Variants in GNA15 observed in about 807,000 individuals in gnomAD.
GNA15 encodes guanine nucleotide-binding protein subunit alpha-15.
In GNA15, 23 loss-of-function variants were observed where a neutral mutation model predicts 40.1. That is an observed-to-expected ratio of 0.57 (90% CI 0.41 to 0.81). The LOEUF (loss-of-function observed/expected upper bound fraction) is 0.81. GNA15 is among the 40% of genes least tolerant of loss of function. GNA15 has a pLI of 0.00. For missense variants in GNA15, 522 were observed against 515.8 expected (o/e 1.01, Z -0.12); for synonymous variants, 226 against 210.4 (o/e 1.07, Z -0.64).
At chr19:3,157,076 C>T (rs1359840388) in intron 5 of GNA15, among the ~76,000 whole-genome samples, 1 of 151,434 alleles carries the variant, frequency 6.6e-6, no homozygotes, top group Non-Finnish European at 1.5e-5. Flanking sequence ...CAGCTCACTG[C>T]AACCTCCGCC....
chr19:3,148,556 T>C, intron 1 of GNA15, 35 bp from the exon 2 acceptor site: 1 of 1,520,184 alleles, frequency 6.6e-7, no homozygotes. Context: ...GGGAGTCCCG[T>C]GGAGGGCTGA....
chr19:3,150,376 G>A, intron 3 of GNA15, 91 bp downstream of exon 3: 1 of 1,101,558 alleles, frequency 9.1e-7, no homozygotes, highest in South Asian at 1.5e-5. Context: ...GAGATATTGT[G>A]GGCGCAGATG....
chr19:3,145,361 T>TATA (rs57906685), intron 1 of GNA15, among the ~76,000 whole-genome samples: 3 of 28,204 alleles, frequency 1.1e-4, no homozygotes, highest in East Asian at 1.8e-3. Context: ...ATATATATAT[T>TATA]TTTTTTTTTT....
At chr19:3,140,572 AT>A (rs1914555966) in intron 1 of GNA15, among the ~76,000 whole-genome samples, 1 of 151,444 alleles carries the variant, frequency 6.6e-6, no homozygotes, top group Admixed American at 6.6e-5. Flanking sequence ...ACTCTGTTTG[AT>A]TTTTCTTCCT....
chr19:3,145,359 A>ATATATACTT, intron 1 of GNA15, among the ~76,000 whole-genome samples: 1 of 46,972 alleles, frequency 2.1e-5, no homozygotes, highest in African/African-American at 9.2e-5. Flanking sequence ...ATATATATAT[A>ATATATACTT]TTTTTTTTTT....
At chr19:3,158,869 G>A (rs1488560408) in intron 6 of GNA15, among the ~76,000 whole-genome samples, 7 of 151,784 alleles carry the variant, frequency 4.6e-5, no homozygotes, top group African/African-American at 1.5e-4. Context: ...CTGACCTCAA[G>A]TGATCCACCT....
intron 4 of GNA15, among the ~76,000 whole-genome samples, chr19:3,153,890 TG>T (rs1413828422): frequency 6.6e-6 from 1 of 150,508 alleles, no homozygotes; most frequent in Non-Finnish European, 1.5e-5. Flanking sequence ...GATGAGTGGA[TG>T]GGGGTGTGGG....
chr19:3,147,172 T>C (rs1340094702), intron 1 of GNA15, among the ~76,000 whole-genome samples: 2 of 152,230 alleles, frequency 1.3e-5, no homozygotes, highest in African/African-American at 2.4e-5. Flanking sequence ...CCTTGCCCTA[T>C]TTATCCTATG....
chr19:3,147,759 T>A (rs62127295), intron 1 of GNA15, among the ~76,000 whole-genome samples: 16 of 150,090 alleles, frequency 1.1e-4, no homozygotes, highest in Admixed American at 2.0e-4. Flanking sequence ...TGGTGGCGGG[T>A]GCCTGTAGTC....
chr19:3,158,989 C>T (rs1327147600), intron 6 of GNA15, among the ~76,000 whole-genome samples: 1 of 151,734 alleles, frequency 6.6e-6, no homozygotes, highest in Non-Finnish European at 1.5e-5. Context: ...AATTGGATAG[C>T]AATTTCTTTT....
intron 4 of GNA15, among the ~76,000 whole-genome samples, chr19:3,153,185 C>T (rs543089460): frequency 6.6e-6 from 1 of 151,336 alleles, no homozygotes; most frequent in South Asian, 2.1e-4. Context: ...AAGGAACCAG[C>T]TCTGGGACAC....
In GNA15 at chr19:3,144,797, A is replaced by G. The variant is rs575020004; in HGVS notation, c.146-3794A>G. 4.3e-3 allele frequency among the ~76,000 whole-genome samples: 645 copies of G among 148,496 alleles called. 2 individuals are homozygous for G. Among genetic ancestry groups the G allele is most frequent in the Non-Finnish European group, 7.7e-3 (521 of 67,328 alleles). On this transcript the variant is annotated intron_variant, in intron 1 of 6. Coordinates refer to ENST00000262958, the MANE Select transcript of GNA15 (RefSeq NM_002068.4). The stretch of plus-strand genomic sequence containing the variant: ...CCCGCCTTGGCCTCCCATAGTGCTG[A>G]GATTACAGGCGTGAGCCACCGGGCC...
At chr19:3,144,704 A>AC (rs1914661056) in intron 1 of GNA15, among the ~76,000 whole-genome samples, 1 of 146,482 alleles carries the variant, frequency 6.8e-6, no homozygotes, top group South Asian at 2.2e-4. Flanking sequence ...AATTTTTTGT[A>AC]TTTTTAGTAG....
intron 4 of GNA15, among the ~76,000 whole-genome samples, chr19:3,154,198 T>G (rs1914951034): frequency 7.2e-6 from 1 of 139,442 alleles, no homozygotes; most frequent in African/African-American, 2.7e-5. Flanking sequence ...AATGGGTGGA[T>G]GGATGGGTGG....
rs1013271580 is a variant in GNA15 at position 3,148,502 on chromosome 19, G to T, written c.146-89G>T. The stretch of plus-strand genomic sequence containing the variant: ...GGGGTTTGAACCCAGGAGGCCTGGC[G>T]TGGAGTTGGGGGTGTCTGACGTGGG... On this transcript the variant is annotated intron_variant, in intron 1 of 6. Transcript: ENST00000262958. 5 of 1,302,604 alleles carry T rather than the reference G, an allele frequency of 3.8e-6. No homozygotes were observed. The African/African-American group carries it at 7.4e-5, about 19-fold the overall frequency. 80.7% of individuals were successfully genotyped at this position (1,302,604 alleles called of 1,614,324 possible).
At chr19:3,150,646 G>T (rs374869963) in intron 3 of GNA15, among the ~76,000 whole-genome samples, 1 of 152,058 alleles carries the variant, frequency 6.6e-6, no homozygotes, top group African/African-American at 2.4e-5. Flanking sequence ...CCTGTTCTAG[G>T]GGGTATCCTG....
Position 3,162,896 on chromosome 19 carries a change from A to G in GNA15, c.1002A>G (p.Ala334=). 1 of 1,613,712 alleles carries G rather than the reference A, an allele frequency of 6.2e-7. No individual in the cohort carries two copies. Among genetic ancestry groups the G allele is most frequent in the South Asian group, 1.1e-5 (1 of 91,076 alleles). The change falls in exon 7 of 7, where the codon GCA becomes GCG. Residue 334 remains alanine (A), a synonymous_variant. Coordinates refer to ENST00000262958, the MANE Select transcript of GNA15 (RefSeq NM_002068.4). The part of the protein sequence containing the change: ...VDGPEGSKKG[A]RSRRLFSHYT... ...GCCCCGAGGGCAGCAAGAAGGGCGC[A>G]CGATCCCGACGCCTCTTCAGCCACT...
intron 6 of GNA15, among the ~76,000 whole-genome samples, chr19:3,158,173 CAG>C (rs1286236527): frequency 2.0e-5 from 3 of 152,118 alleles, no homozygotes; most frequent in East Asian, 3.8e-4. Flanking sequence ...ATTTTTGAGA[CAG>C]AGTCTTGCTC....
intron 4 of GNA15, among the ~76,000 whole-genome samples, chr19:3,152,107 T>C (rs752765858): frequency 3.9e-5 from 6 of 152,028 alleles, no homozygotes; most frequent in Non-Finnish European, 8.8e-5. Context: ...GAAAGACGAA[T>C]AGGAGTTCAG....
Sources: allele counts gnomAD v4.1 joint callset (sites outside exome capture counted in the v4.1 genomes callset), GRCh38; gene constraint gnomAD v4.1.1; transcripts MANE v1.5; gene names NCBI Gene and HGNC (gene_info 2026-07-23, HGNC 2026-07-21).